KLHL20: variants seen among roughly 807,000 people sequenced by gnomAD.
KLHL20 encodes the protein kelch like family member 20.
A neutral mutation model predicts 69.5 loss-of-function variants in KLHL20; 29 were observed. That is an observed-to-expected ratio of 0.42 (90% CI 0.31 to 0.57). The LOEUF is 0.57. KLHL20 is among the 20% of genes least tolerant of loss of function. The probability of loss-of-function intolerance (pLI) is 0.18; values close to 1 mark genes in which losing one functional copy is unlikely to be tolerated. For missense variants in KLHL20, 419 were observed against 776.0 expected, an observed-to-expected ratio of 0.54 and a Z score of 5.47; for synonymous variants, 253 against 265.2, an observed-to-expected ratio of 0.95 and a Z score of 0.45.
In KLHL20 at chr1:173,751,841, T is replaced by TGAAGAAGATG. The variant is rs1673329584; in HGVS notation, c.675_676insGAAGAAGATG (p.Arg226GlufsTer6). 6.2e-7 allele frequency: 1 copy of TGAAGAAGATG among 1,613,950 alleles called. No homozygotes were observed. The highest frequency in any genetic ancestry group is 8.5e-7 in the Non-Finnish European group (1 of 1,179,948). On this transcript the variant is annotated frameshift_variant, in exon 4 of 12. Transcript: ENST00000209884. LOFTEE classifies it high-confidence loss of function. ...TAATATCCAGTGATGAGCTAAACGT[T>TGAAGAAGATG]CGCAGTGAAGAACAAGTGTTCAATG... is the stretch of plus-strand genomic sequence containing the variant.
chr1:173,725,384 C>T (rs944006760), intron 2 of KLHL20, among the ~76,000 whole-genome samples: 1 of 152,174 alleles, frequency 6.6e-6, no homozygotes, highest in African/African-American at 2.4e-5. Flanking sequence ...AAAAGGAGGG[C>T]ATTATGCTAG....
At chr1:173,727,227 C>A (rs1479897432) in intron 2 of KLHL20, among the ~76,000 whole-genome samples, 5 of 151,712 alleles carry the variant, frequency 3.3e-5, no homozygotes, top group Non-Finnish European at 7.4e-5. Context: ...ACGAGCAAAG[C>A]CTCCAAGAAA....
chr1:173,739,249 T>A (rs1672681762), intron 3 of KLHL20, among the ~76,000 whole-genome samples: 1 of 152,024 alleles, frequency 6.6e-6, no homozygotes, highest in Non-Finnish European at 1.5e-5. Context: ...ATTTTTTGTA[T>A]GTTAGTGGAG....
intron 2 of KLHL20, among the ~76,000 whole-genome samples, chr1:173,727,629 A>C (rs941998998): frequency 6.6e-6 from 1 of 152,200 alleles, no homozygotes; most frequent in Non-Finnish European, 1.5e-5. Flanking sequence ...TTCAACCCAG[A>C]ATTTCATATC....
chr1:173,760,238 T>C (rs928200352), intron 7 of KLHL20, among the ~76,000 whole-genome samples: 1 of 152,042 alleles, frequency 6.6e-6, no homozygotes, highest in African/African-American at 2.4e-5. Flanking sequence ...CAACCAAACC[T>C]GAGAATAATC....
At chr1:173,737,571 T>C (rs1374481360) in intron 3 of KLHL20, among the ~76,000 whole-genome samples, 1 of 152,262 alleles carries the variant, frequency 6.6e-6, no homozygotes, top group Admixed American at 6.5e-5. Flanking sequence ...ATTCTTTCCA[T>C]TGGTCTATGT....
intron 3 of KLHL20, among the ~76,000 whole-genome samples, chr1:173,744,313 T>C (rs1163886034): frequency 6.6e-6 from 1 of 152,158 alleles, no homozygotes; most frequent in African/African-American, 2.4e-5. Flanking sequence ...TTTTAATGTA[T>C]TTTGCCCATT....
intron 8 of KLHL20, among the ~76,000 whole-genome samples, chr1:173,767,034 C>A (rs139228734): frequency 0.018 from 2,748 of 152,238 alleles, 35 homozygotes; most frequent in Middle Eastern, 0.071. Flanking sequence ...ATTTTGTACT[C>A]ATTTACCAAG....
chr1:173,751,299 C>G (rs1455790874), intron 3 of KLHL20, among the ~76,000 whole-genome samples: 3 of 152,150 alleles, frequency 2.0e-5, no homozygotes. Flanking sequence ...AGTTTTTTCA[C>G]TGGTCTAATA....
At chr1:173,753,845 A>AG (rs71563240) in intron 5 of KLHL20, among the ~76,000 whole-genome samples, 9 of 152,084 alleles carry the variant, frequency 5.9e-5, no homozygotes, top group Non-Finnish European at 1.3e-4. Flanking sequence ...ACTTTTTCAA[A>AG]GGGGGGGAAA....
chr1:173,760,603 G>A lies in KLHL20; in HGVS notation c.1151+3444G>A, dbSNP rs187067534. On this transcript the variant is annotated intron_variant, in intron 7 of 11. Transcript: ENST00000209884. ...AAAACAATTATCAGCCAAGAATTTC[G>A]TATCCAGTGAAACTAAGCATCGTAT... Among the ~76,000 whole-genome samples the A allele has an allele frequency of 7.4e-3, 1,129 of 152,280 alleles. 12 individuals are homozygous for A. Among genetic ancestry groups the A allele is most frequent in the African/African-American group, 0.024 (1,003 of 41,552 alleles).
At chr1:173,740,920 C>A (rs1672779658) in intron 3 of KLHL20, among the ~76,000 whole-genome samples, 1 of 152,218 alleles carries the variant, frequency 6.6e-6, no homozygotes, top group African/African-American at 2.4e-5. Flanking sequence ...GTTCCACTGG[C>A]TGTTCTCCCC....
chr1:173,772,643 A>G (rs1648170380), intron 8 of KLHL20, among the ~76,000 whole-genome samples: 1 of 152,220 alleles, frequency 6.6e-6, no homozygotes, highest in Non-Finnish European at 1.5e-5. Context: ...TTGTTTCTTT[A>G]TAAAATTATC....
At chr1:173,743,362 G>A (rs1024279266) in intron 3 of KLHL20, among the ~76,000 whole-genome samples, 2 of 151,878 alleles carry the variant, frequency 1.3e-5, no homozygotes, top group East Asian at 3.9e-4. Flanking sequence ...CATTTACCTT[G>A]TCATTCTTTC....
chr1:173,733,845 A>T lies in KLHL20; in HGVS notation c.156A>T (p.Arg52=). Residue 52 remains arginine (R), a synonymous_variant, in exon 3 of 12, where the codon CGA becomes CGT. Coordinates refer to ENST00000209884, the MANE Select transcript of KLHL20 (RefSeq NM_014458.4). The part of the protein sequence containing the change: ...RMPYISDKHP[R]QTLEVINLLR... ...CCTATATCTCAGACAAGCACCCTCGACAAACCTTGGAAGTGATTAACCTTC... is the reference window on the plus strand; with the variant it reads ...CCTATATCTCAGACAAGCACCCTCGTCAAACCTTGGAAGTGATTAACCTTC... 1 of 1,614,126 alleles carries T rather than the reference A, an allele frequency of 6.2e-7. No homozygotes were observed. Among genetic ancestry groups the T allele is most frequent in the South Asian group, 1.1e-5 (1 of 91,076 alleles).
intron 2 of KLHL20, among the ~76,000 whole-genome samples, chr1:173,728,682 C>CT (rs1161941360): frequency 6.6e-6 from 1 of 152,148 alleles, no homozygotes; most frequent in Non-Finnish European, 1.5e-5. Flanking sequence ...TAAAGATGTT[C>CT]TTTGAAACCA....
intron 3 of KLHL20, among the ~76,000 whole-genome samples, chr1:173,743,538 TA>T (rs200554676): frequency 1.2e-4 from 18 of 148,846 alleles, no homozygotes; most frequent in East Asian, 5.8e-4. Context: ...GTGGTGATTT[TA>T]AAAAAAAAAA....
At chr1:173,750,555 G>A (rs1370254832) in intron 3 of KLHL20, among the ~76,000 whole-genome samples, 1 of 147,788 alleles carries the variant, frequency 6.8e-6, no homozygotes, top group African/African-American at 2.5e-5. Context: ...GCGCAATCTT[G>A]GCTTACTGCA....
chr1:173,766,136 T>C lies in KLHL20; in HGVS notation c.1152-10T>C, dbSNP rs372626044. The C allele has an allele frequency of 1.9e-5, 30 of 1,582,028 alleles. No homozygotes were observed. The highest frequency in any genetic ancestry group is 2.6e-5 in the Non-Finnish European group (30 of 1,167,866). On this transcript the variant is annotated splice_polypyrimidine_tract_variant and intron_variant, in intron 7 of 11. Transcript: ENST00000209884. ...TAATACAAACTCTCCTCTTGGTATG[T>C]TCTTTTCAGGTATGACCCCAAAACA...
Sources: allele counts gnomAD v4.1 joint callset (sites outside exome capture counted in the v4.1 genomes callset), GRCh38; gene constraint gnomAD v4.1.1; transcripts MANE v1.5; gene names NCBI Gene and HGNC (gene_info 2026-07-23, HGNC 2026-07-21).